The following NEGR1 variants were observed in gnomAD, a reference collection of about 807,000 sequenced individuals.
NEGR1 encodes the protein neuronal growth regulator 1, also known as IgLON family member 4.
A neutral mutation model predicts 40.9 loss-of-function variants in NEGR1; 10 were observed. That is an observed-to-expected ratio of 0.24 (90% CI 0.15 to 0.42). NEGR1 has a LOEUF of 0.42. Among genes scored for constraint, NEGR1 ranks in the 10% least tolerant of loss-of-function variants. The pLI is 1.00. For synonymous variants in NEGR1, 185 were observed against 166.8 expected (o/e 1.11, Z -0.84); for missense variants, 352 against 438.9 (o/e 0.80, Z 1.77).
intron 2 of NEGR1, chr1:71,794,505 A>G (rs1296442058): frequency 1.3e-5 from 2 of 152,114 alleles, no homozygotes; most frequent in African/African-American, 4.8e-5. Context: ...GTGTAGAAAG[A>G]TTCAATCAAT....
intron 1 of NEGR1, among the ~76,000 whole-genome samples, chr1:71,949,477 A>T (rs1646050199): frequency 6.6e-6 from 1 of 151,962 alleles, no homozygotes; most frequent in African/African-American, 2.4e-5. Flanking sequence ...CCTGTCACGT[A>T]GTTGGTACTT....
chr1:72,149,530 T>C (rs990480883), intron 1 of NEGR1, among the ~76,000 whole-genome samples: 13 of 152,148 alleles, frequency 8.5e-5, no homozygotes, highest in Non-Finnish European at 1.5e-5. Flanking sequence ...AACACATACA[T>C]TTCTCAAGGA....
At chr1:72,191,162 T>A (rs754209137) in intron 1 of NEGR1, among the ~76,000 whole-genome samples, 1 of 151,810 alleles carries the variant, frequency 6.6e-6, no homozygotes, top group Non-Finnish European at 1.5e-5. Flanking sequence ...ACTGAATGCA[T>A]AATGTTCTAG....
intron 1 of NEGR1, among the ~76,000 whole-genome samples, chr1:72,154,269 G>A (rs1423880449): frequency 6.6e-6 from 1 of 151,786 alleles, no homozygotes; most frequent in Non-Finnish European, 1.5e-5. Flanking sequence ...TGTCAGGAAT[G>A]TATTTCAACC....
At chr1:71,588,017 A>G (rs774875557) in intron 6 of NEGR1, among the ~76,000 whole-genome samples, 1 of 152,128 alleles carries the variant, frequency 6.6e-6, no homozygotes, top group Non-Finnish European at 1.5e-5. Context: ...CGTGTCTTAT[A>G]ATAAATATTT....
At chr1:71,582,152 A>T (rs1314748389) in intron 6 of NEGR1, among the ~76,000 whole-genome samples, 1 of 152,224 alleles carries the variant, frequency 6.6e-6, no homozygotes, top group African/African-American at 2.4e-5. Context: ...ATGATATTGT[A>T]AAATAAACAC....
chr1:72,153,214 T>A (rs778200483), intron 1 of NEGR1, among the ~76,000 whole-genome samples: 1 of 151,696 alleles, frequency 6.6e-6, no homozygotes, highest in Non-Finnish European at 1.5e-5. Context: ...ATTAATGAAA[T>A]AGGAAACAAA....
intron 2 of NEGR1, among the ~76,000 whole-genome samples, chr1:71,904,333 C>T (rs1459604843): frequency 6.6e-6 from 1 of 151,836 alleles, no homozygotes; most frequent in African/African-American, 2.4e-5. Flanking sequence ...GCCAATTCCG[C>T]ACAAGTGGAC....
At chr1:71,628,566 C>T (rs923718710) in intron 4 of NEGR1, among the ~76,000 whole-genome samples, 4 of 151,844 alleles carry the variant, frequency 2.6e-5, no homozygotes, top group African/African-American at 7.3e-5. Flanking sequence ...CCTCCCCTAG[C>T]ACCCCACCCC....
chr1:72,274,577 C>G (rs1286199875), intron 1 of NEGR1: 1 of 769,512 alleles, frequency 1.3e-6, no homozygotes, highest in African/African-American at 1.7e-5. Context: ...GAGTCTTTGG[C>G]AAGATATGGC....
chr1:71,977,991 GC>G (rs1474039172), intron 1 of NEGR1, among the ~76,000 whole-genome samples: 1 of 152,088 alleles, frequency 6.6e-6, no homozygotes, highest in Non-Finnish European at 1.5e-5. Flanking sequence ...GTTATCAATA[GC>G]CCAAGTGAGC....
chr1:71,850,657 T>A (rs1186177244), intron 2 of NEGR1, among the ~76,000 whole-genome samples: 1 of 152,204 alleles, frequency 6.6e-6, no homozygotes, highest in Non-Finnish European at 1.5e-5. Flanking sequence ...TTGCTTTTTA[T>A]TTTGTAATGC....
At position 72,032,846 on chromosome 1, in the gene NEGR1, C is replaced by A. The variant is rs1036323304; in HGVS notation, c.177-97535G>T. 6.6e-5 allele frequency among the ~76,000 whole-genome samples: 10 copies of A among 151,990 alleles called. No individual in the cohort carries two copies. In the East Asian group the frequency reaches 1.2e-3, roughly 18 times the overall value. ...GCAATTTAGTTAAATACTTTGAGAC[C>A]CAGTTTCCTCATTTAAAAAATGGGA... On this transcript the variant is annotated intron_variant, in intron 1 of 6. Transcript: ENST00000357731.
At chr1:71,586,881 A>C (rs889805995) in intron 6 of NEGR1, among the ~76,000 whole-genome samples, 1 of 152,086 alleles carries the variant, frequency 6.6e-6, no homozygotes, top group Non-Finnish European at 1.5e-5. Flanking sequence ...GCTGGATCAA[A>C]TTCTGCCTAC....
At chr1:71,715,087 T>C (rs958297439) in intron 3 of NEGR1, among the ~76,000 whole-genome samples, 1 of 152,186 alleles carries the variant, frequency 6.6e-6, no homozygotes, top group African/African-American at 2.4e-5. Flanking sequence ...AAACCTCGAT[T>C]CTTGACATCT....
chr1:71,812,138 A>G (rs959572058), intron 2 of NEGR1, among the ~76,000 whole-genome samples: 2 of 151,970 alleles, frequency 1.3e-5, no homozygotes, highest in African/African-American at 2.4e-5. Flanking sequence ...ATAACTGAGA[A>G]CATGCAGTGT....
chr1:71,535,635 G>A (rs1299586376), intron 6 of NEGR1, among the ~76,000 whole-genome samples: 1 of 151,696 alleles, frequency 6.6e-6, no homozygotes, highest in Non-Finnish European at 1.5e-5. Context: ...AGTTGGTTGA[G>A]TTGGAGATTC....
chr1:72,266,724 A>AGC (rs1553155173), intron 1 of NEGR1, among the ~76,000 whole-genome samples: 3 of 133,726 alleles, frequency 2.2e-5, no homozygotes, highest in African/African-American at 8.2e-5. Context: ...TAGACAGATA[A>AGC]ACACACACAC....
intron 1 of NEGR1, among the ~76,000 whole-genome samples, chr1:71,991,171 C>T (rs1646447291): frequency 6.6e-6 from 1 of 152,070 alleles, no homozygotes; most frequent in Non-Finnish European, 1.5e-5. Flanking sequence ...ATTGCAATTA[C>T]TTCCTAATTA....
Sources: gnomAD v4.1 joint callset for allele counts (sites outside exome capture counted in the v4.1 genomes callset) on GRCh38, gnomAD v4.1.1 for gene constraint, MANE v1.5 for transcripts, NCBI Gene and HGNC (gene_info 2026-07-23, HGNC 2026-07-21) for gene names.